The following WDFY3 variants were observed in gnomAD, a reference collection of about 807,000 sequenced individuals.
WDFY3 encodes WD repeat and FYVE domain containing 3, also known as WD repeat and FYVE domain-containing protein 3.
In WDFY3, 66 loss-of-function variants were observed where a neutral mutation model predicts 409.6. The ratio of observed to expected loss-of-function variants is 0.16; its 90% CI spans 0.13 to 0.20. The LOEUF (loss-of-function observed/expected upper bound fraction) is 0.20. Ranked by LOEUF, WDFY3 falls within the 10% of genes least tolerant of loss-of-function variation. The probability of loss-of-function intolerance (pLI) is 1.00; values close to 1 mark genes in which losing one functional copy is unlikely to be tolerated. For missense variants in WDFY3, 3,031 were observed against 4,298.1 expected, an observed-to-expected ratio of 0.71 and a Z score of 8.24; for synonymous variants, 1,521 against 1,537.1, an observed-to-expected ratio of 0.99 and a Z score of 0.25.
At chr4:84,779,106 A>G (rs1178861671) in intron 26 of WDFY3, among the ~76,000 whole-genome samples, 1 of 152,154 alleles carries the variant, frequency 6.6e-6, no homozygotes. Flanking sequence ...AGGTTGAATG[A>G]TAGTCTATGG....
rs180905782 is a variant in WDFY3 at position 84,724,344 on chromosome 4, T to C, written c.7441+82A>G. The C allele has an allele frequency of 7.5e-5, 112 of 1,497,692 alleles. No homozygotes were observed. The Middle Eastern group carries it at 5.2e-3, about 70-fold the overall frequency. 92.8% of individuals were successfully genotyped at this position (1,497,692 alleles called of 1,614,324 possible). A position where few individuals can be genotyped will look rare whatever the true frequency, so the allele number is the denominator to read the frequency against. On this transcript the variant is annotated intron_variant, in intron 46 of 67. Coordinates refer to ENST00000295888, the MANE Select transcript of WDFY3 (RefSeq NM_014991.6). ...TTTTTAAAGTTGGCCCTACTATTTATAGTTGCTCAAATTTTTGTATGAATT... is the reference window on the plus strand; with the variant it reads ...TTTTTAAAGTTGGCCCTACTATTTACAGTTGCTCAAATTTTTGTATGAATT...
At chr4:84,857,320 T>A (rs1175794146) in intron 4 of WDFY3, among the ~76,000 whole-genome samples, 4 of 152,116 alleles carry the variant, frequency 2.6e-5, no homozygotes, top group African/African-American at 9.7e-5. Flanking sequence ...AAACAAATAG[T>A]CATGAGATTC....
rs745752478 is a variant in WDFY3, at chr4:84,752,530, C to CAA, written c.5740-816_5740-815dup. 0.02 allele frequency among the ~76,000 whole-genome samples: 1,383 copies of CAA among 68,734 alleles called. 158 individuals are homozygous for CAA. The East Asian group carries it at 0.34, about 17-fold the overall frequency. The allele number at this position is 68,734 out of a possible 152,430, so 45.1% of individuals were successfully genotyped here. A position where few individuals can be genotyped will look rare whatever the true frequency, so the allele number is the denominator to read the frequency against. ...GGATGACAAGAGCGAAACCCCGTCT[C>CAA]AAAAAAAAAAAAAAAGATGCTGACA... is the stretch of plus-strand genomic sequence containing the variant. On this transcript the variant is annotated intron_variant, in intron 35 of 67. Coordinates refer to ENST00000295888, the MANE Select transcript of WDFY3 (RefSeq NM_014991.6).
At chr4:84,701,148 C>T (rs1052738905) in intron 56 of WDFY3, among the ~76,000 whole-genome samples, 2 of 152,156 alleles carry the variant, frequency 1.3e-5, no homozygotes, top group East Asian at 1.9e-4. Context: ...CAGTCAAAGG[C>T]TATAGCAGGT....
intron 48 of WDFY3, 147 bp from the exon 49 acceptor site, chr4:84,717,163 A>G (rs1734078914): frequency 3.1e-6 from 3 of 954,300 alleles, no homozygotes; most frequent in Non-Finnish European, 4.1e-6. Context: ...TATTTACAAG[A>G]AGAATTTGTT....
intron 1 of WDFY3, among the ~76,000 whole-genome samples, chr4:84,939,234 C>T (rs1771807255): frequency 1.3e-5 from 2 of 152,080 alleles, no homozygotes; most frequent in Non-Finnish European, 2.9e-5. Flanking sequence ...CGAATGTTTC[C>T]TCGTGATTAA....
At chr4:84,944,155 T>A (rs116352443) in intron 1 of WDFY3, among the ~76,000 whole-genome samples, 78 of 152,332 alleles carry the variant, frequency 5.1e-4, no homozygotes, top group African/African-American at 1.9e-3. Context: ...ATCTTTTCGC[T>A]GACTGAATAA....
intron 19 of WDFY3, among the ~76,000 whole-genome samples, chr4:84,796,073 C>T (rs1402948545): frequency 1.3e-5 from 2 of 151,632 alleles, no homozygotes; most frequent in Non-Finnish European, 2.9e-5. Context: ...ATATTTATTA[C>T]ATTAGATGTT....
In WDFY3 at chr4:84,709,255, C is replaced by A. The variant is rs775456337; in HGVS notation, c.8097+38G>T. The A allele has an allele frequency of 3.2e-6, 5 of 1,571,406 alleles. No individual in the cohort carries two copies. In the South Asian group the frequency reaches 5.9e-5, roughly 18 times the overall value. Reference sequence around the variant, plus strand: ...AACTGTATGACTTCTACTCTAATTACGAACTTCTAAGGAAGCTCATATATT... The same window carrying A: ...AACTGTATGACTTCTACTCTAATTAAGAACTTCTAAGGAAGCTCATATATT... On this transcript the variant is annotated intron_variant, in intron 52 of 67. Transcript: ENST00000295888.
intron 29 of WDFY3, 72 bp downstream of exon 29, chr4:84,774,748 T>C: frequency 6.8e-7 from 1 of 1,470,560 alleles, no homozygotes; most frequent in Non-Finnish European, 9.1e-7. Flanking sequence ...CCAATTAAAT[T>C]CATCTCATCC....
intron 67 of WDFY3, among the ~76,000 whole-genome samples, chr4:84,676,744 A>G (rs1412146829): frequency 6.6e-6 from 1 of 152,214 alleles, no homozygotes; most frequent in East Asian, 1.9e-4. Context: ...TAAGAAAGTT[A>G]CAGAAGGGCA....
At chr4:84,914,441 AAAC>A (rs1768201389) in intron 2 of WDFY3, among the ~76,000 whole-genome samples, 1 of 152,016 alleles carries the variant, frequency 6.6e-6, no homozygotes, top group Non-Finnish European at 1.5e-5. Flanking sequence ...AAACAAAACA[AAAC>A]AAAAAAAAAT....
chr4:84,862,953 A>G (rs761823831), intron 3 of WDFY3, among the ~76,000 whole-genome samples: 1 of 152,246 alleles, frequency 6.6e-6, no homozygotes, highest in South Asian at 2.1e-4. Context: ...GTGATATCAT[A>G]CAGTATTTGT....
intron 7 of WDFY3, among the ~76,000 whole-genome samples, chr4:84,834,966 G>A (rs1756364358): frequency 6.6e-6 from 1 of 152,236 alleles, no homozygotes; most frequent in African/African-American, 2.4e-5. Context: ...AAAAGCAGCA[G>A]TGAACTAGGA....
intron 25 of WDFY3, among the ~76,000 whole-genome samples, chr4:84,781,466 T>C (rs533406272): frequency 1.1e-4 from 16 of 149,218 alleles, no homozygotes; most frequent in South Asian, 6.7e-4. Context: ...TCACAGCTCA[T>C]TGCAGTCTCC....
At chr4:84,800,056 C>T (rs1435071208) in intron 17 of WDFY3, among the ~76,000 whole-genome samples, 1 of 152,102 alleles carries the variant, frequency 6.6e-6, no homozygotes, top group East Asian at 1.9e-4. Flanking sequence ...AATCTCAATG[C>T]TATTTTCAAA....
rs2148691217 is a variant in WDFY3 at position 84,672,668 on chromosome 4, T to C, written c.*200A>G. 1.8e-6 allele frequency: 1 copy of C among 570,860 alleles called. No homozygotes were observed. Among genetic ancestry groups the C allele is most frequent in the South Asian group, 3.0e-5 (1 of 33,060 alleles). 35.4% of individuals were successfully genotyped at this position (570,860 alleles called of 1,614,324 possible). ...TAGGAACCACCTCATATTCTTCTTG[T>C]GCTGTTCACCTGAATCGCGTCTGCC... is the stretch of plus-strand genomic sequence containing the variant. On this transcript the variant is annotated 3_prime_UTR_variant, in exon 68 of 68. Coordinates refer to ENST00000295888, the MANE Select transcript of WDFY3 (RefSeq NM_014991.6).
intron 8 of WDFY3, among the ~76,000 whole-genome samples, chr4:84,830,460 T>C (rs760934148): frequency 1.3e-5 from 2 of 152,200 alleles, no homozygotes; most frequent in Non-Finnish European, 2.9e-5. Flanking sequence ...GGCTAAGATA[T>C]GATGTTCGGT....
intron 50 of WDFY3, 45 bp from the exon 51 acceptor site, chr4:84,713,284 C>A (rs928335847): frequency 1.3e-6 from 2 of 1,553,914 alleles, no homozygotes; most frequent in South Asian, 2.2e-5. Context: ...AAGTCTCAGT[C>A]AGGATCTAAT....
Sources: gnomAD v4.1 joint callset for allele counts (sites outside exome capture counted in the v4.1 genomes callset) on GRCh38, gnomAD v4.1.1 for gene constraint, MANE v1.5 for transcripts, NCBI Gene and HGNC (gene_info 2026-07-23, HGNC 2026-07-21) for gene names.